The following NAALADL2 variants were observed in gnomAD, a reference collection of about 807,000 sequenced individuals.
NAALADL2 encodes inactive N-acetylated-alpha-linked acidic dipeptidase-like protein 2.
In NAALADL2, 76 loss-of-function variants were observed where a neutral mutation model predicts 87.2. That is an observed-to-expected ratio of 0.87 (90% CI 0.72 to 1.05). NAALADL2 has a LOEUF of 1.05. Among genes scored for constraint, NAALADL2 ranks in the 50% least tolerant of loss-of-function variants. NAALADL2 has a pLI of 0.00. For missense variants in NAALADL2, 1,089 were observed against 945.8 expected (o/e 1.15, Z -1.99); for synonymous variants, 354 against 331.0 (o/e 1.07, Z -0.75).
chr3:175,470,660 AT>A (rs1233095288), intron 8 of NAALADL2, among the ~76,000 whole-genome samples: 1 of 152,070 alleles, frequency 6.6e-6, no homozygotes, highest in Non-Finnish European at 1.5e-5. Context: ...CATGACAATT[AT>A]TTGTTAAATG....
At chr3:175,681,961 A>G (rs1735658141) in intron 11 of NAALADL2, among the ~76,000 whole-genome samples, 2 of 152,306 alleles carry the variant, frequency 1.3e-5, no homozygotes, top group African/African-American at 2.4e-5. Context: ...GTTAGTAACT[A>G]AACCAAATTA....
At chr3:174,981,135 C>T (rs1208569194) in intron 1 of NAALADL2, among the ~76,000 whole-genome samples, 1 of 151,944 alleles carries the variant, frequency 6.6e-6, no homozygotes, top group African/African-American at 2.4e-5. Flanking sequence ...CGGTTTTCCC[C>T]CTACTCGTTG....
chr3:174,723,456 A>G (rs1417508077), intron 2 of NAALADL2, among the ~76,000 whole-genome samples: 3 of 152,110 alleles, frequency 2.0e-5, no homozygotes. Context: ...ATTAAAGGGA[A>G]TAGAAATGCC....
intron 5 of NAALADL2, among the ~76,000 whole-genome samples, chr3:175,446,712 C>T (rs1045052234): frequency 5.9e-5 from 9 of 152,138 alleles, no homozygotes; most frequent in African/African-American, 2.2e-4. Context: ...TCATCAAATC[C>T]TCCTGTTTCT....
rs111857461 is a variant in NAALADL2, at chr3:175,205,828, CA to C, written c.546-28093del. ...TCTCAAAAGAAGATATACAAATGGC[CA>C]AAAAAAAAATGAAAAAATGCCCAAC... On this transcript the variant is annotated intron_variant, in intron 2 of 13. Transcript: ENST00000454872. Among the ~76,000 whole-genome samples the C allele has an allele frequency of 2.8e-4, 40 of 143,870 alleles. 1 individual carries two copies. The highest frequency in any genetic ancestry group is 2.2e-3 in the Admixed American group (32 of 14,392). 94.4% of individuals were successfully genotyped at this position (143,870 alleles called of 152,430 possible).
At chr3:175,379,110 A>C (rs1767487859) in intron 5 of NAALADL2, among the ~76,000 whole-genome samples, 1 of 151,744 alleles carries the variant, frequency 6.6e-6, no homozygotes, top group South Asian at 2.1e-4. Context: ...TTGTGGACAG[A>C]TTGCCTGTCC....
chr3:174,978,601 T>C (rs1197421139), intron 1 of NAALADL2, among the ~76,000 whole-genome samples: 1 of 152,200 alleles, frequency 6.6e-6, no homozygotes, highest in Non-Finnish European at 1.5e-5. Context: ...TTTTAATACT[T>C]ACTATATGTT....
At chr3:175,011,008 C>G (rs1007286152) in intron 1 of NAALADL2, among the ~76,000 whole-genome samples, 2 of 152,054 alleles carry the variant, frequency 1.3e-5, no homozygotes, top group Non-Finnish European at 2.9e-5. Flanking sequence ...CTAGGTACTC[C>G]TATCAGAATT....
At chr3:174,474,716 G>A (rs909770982) in intron 1 of NAALADL2, among the ~76,000 whole-genome samples, 3 of 152,032 alleles carry the variant, frequency 2.0e-5, no homozygotes, top group African/African-American at 7.2e-5. Flanking sequence ...TGTTAGCCTT[G>A]CCATAATTTA....
rs191854776 is a variant in NAALADL2 at position 175,481,726 on chromosome 3, T to C, written c.1653+9968T>C. Among the ~76,000 whole-genome samples the C allele has an allele frequency of 1.7e-3, 256 of 152,006 alleles. 1 individual carries two copies. Among genetic ancestry groups the C allele is most frequent in the Middle Eastern group, 6.8e-3 (2 of 292 alleles). ...GGAGGAAAACAGATAAATTGTCCCG[T>C]GGTTTACTCATATAATGAAATACTA... On this transcript the variant is annotated intron_variant, in intron 9 of 13. Transcript: ENST00000454872.
intron 5 of NAALADL2, among the ~76,000 whole-genome samples, chr3:175,397,768 G>C (rs1769998316): frequency 6.6e-6 from 1 of 152,280 alleles, no homozygotes; most frequent in South Asian, 2.1e-4. Context: ...TGTGGCTTAT[G>C]TAAGTATCTT....
intron 1 of NAALADL2, among the ~76,000 whole-genome samples, chr3:174,971,153 C>T (rs1420264320): frequency 6.6e-6 from 1 of 152,062 alleles, no homozygotes; most frequent in Non-Finnish European, 1.5e-5. Context: ...AAGACTGGCC[C>T]CCATAATTCA....
intron 1 of NAALADL2, among the ~76,000 whole-genome samples, chr3:174,510,857 C>A (rs1334465893): frequency 6.6e-6 from 1 of 151,740 alleles, no homozygotes; most frequent in East Asian, 1.9e-4. Flanking sequence ...TACTTCTAAG[C>A]ACTGACTTAA....
At chr3:174,633,590 G>T (rs1353928311) in intron 2 of NAALADL2, among the ~76,000 whole-genome samples, 1 of 152,182 alleles carries the variant, frequency 6.6e-6, no homozygotes, top group East Asian at 1.9e-4. Context: ...CTGTCACTCT[G>T]CCAGGAAGTA....
Position 175,385,523 on chromosome 3 carries a change from A to G in NAALADL2, c.1090+61198A>G, listed in dbSNP as rs1161843036. The stretch of plus-strand genomic sequence containing the variant: ...GAAAAAAGGTAGACTAATGGGTACA[A>G]TTATACACTTACAAGAAAGAAGACT... On this transcript the variant is annotated intron_variant, in intron 5 of 13. Coordinates refer to ENST00000454872, the MANE Select transcript of NAALADL2 (RefSeq NM_207015.3). Among the ~76,000 whole-genome samples the G allele has an allele frequency of 2.0e-5, 3 of 152,250 alleles. No homozygotes were observed. The East Asian group carries it at 5.8e-4, about 29-fold the overall frequency.
intron 1 of NAALADL2, among the ~76,000 whole-genome samples, chr3:174,966,245 G>C (rs1321611217): frequency 6.6e-6 from 1 of 152,128 alleles, no homozygotes; most frequent in Non-Finnish European, 1.5e-5. Context: ...TGAAGGCCAA[G>C]CACTTAGATT....
chr3:175,132,929 G>A (rs554904244), intron 2 of NAALADL2, among the ~76,000 whole-genome samples: 117 of 151,722 alleles, frequency 7.7e-4, no homozygotes, highest in African/African-American at 2.3e-3. Flanking sequence ...CTTCTCAGAC[G>A]GGGCGGTTGC....
intron 1 of NAALADL2, among the ~76,000 whole-genome samples, chr3:175,030,088 C>A (rs1273528864): frequency 1.3e-5 from 2 of 152,056 alleles, no homozygotes; most frequent in Non-Finnish European, 2.9e-5. Context: ...GTTGGTACTG[C>A]CATCTGACTG....
At chr3:174,969,197 C>T (rs1743275278) in intron 1 of NAALADL2, among the ~76,000 whole-genome samples, 1 of 152,028 alleles carries the variant, frequency 6.6e-6, no homozygotes, top group South Asian at 2.1e-4. Flanking sequence ...AGACCTAGTT[C>T]TCCCATCCAG....
Sources: allele counts gnomAD v4.1 joint callset (sites outside exome capture counted in the v4.1 genomes callset), GRCh38; gene constraint gnomAD v4.1.1; transcripts MANE v1.5; gene names NCBI Gene and HGNC (gene_info 2026-07-23, HGNC 2026-07-21).